The following DIAPH2 variants were observed in gnomAD, a reference collection of about 807,000 sequenced individuals.
The protein encoded by DIAPH2 is protein diaphanous homolog 2.
DIAPH2 carries 35 observed loss-of-function variants against 92.7 expected under a neutral mutation model. That is an observed-to-expected ratio of 0.38 (90% confidence interval 0.29 to 0.50). The LOEUF (loss-of-function observed/expected upper bound fraction) is 0.50. Ranked by LOEUF, DIAPH2 falls within the 20% of genes least tolerant of loss-of-function variation. The pLI is 0.94. For missense variants in DIAPH2, 701 were observed against 819.5 expected (o/e 0.86, Z 1.77); for synonymous variants, 301 against 280.4 (o/e 1.07, Z -0.73).
At chrX:97,089,062 G>A (rs1430481868) in intron 19 of DIAPH2, among the ~76,000 whole-genome samples, 3 of 111,562 alleles carry the variant, frequency 2.7e-5, no homozygotes, top group Non-Finnish European at 5.6e-5. Context: ...AAATGAAAGC[G>A]TGACTACTTC....
chrX:97,336,237 T>C (rs907289069), intron 23 of DIAPH2, among the ~76,000 whole-genome samples: 1 of 106,663 alleles, frequency 9.4e-6, no homozygotes, highest in Non-Finnish European at 1.9e-5. Flanking sequence ...ACTTTTCTTT[T>C]CTTTTCTTTT....
intron 10 of DIAPH2, among the ~76,000 whole-genome samples, chrX:96,933,907 C>T (rs1005183381): frequency 4.6e-5 from 5 of 108,312 alleles, no homozygotes; most frequent in African/African-American, 1.4e-4. Context: ...TGAGCCACTG[C>T]GCCTGGCCTA....
intron 15 of DIAPH2, chrX:96,954,286 T>C (rs1335961192): frequency 8.9e-6 from 1 of 112,454 alleles, no homozygotes; most frequent in East Asian, 2.8e-4. Flanking sequence ...TGGTAGTGGT[T>C]TCATAAGAAT....
chrX:96,934,069 G>T (rs2065640872), intron 10 of DIAPH2, among the ~76,000 whole-genome samples: 1 of 111,055 alleles, frequency 9.0e-6, no homozygotes, highest in South Asian at 3.8e-4. Context: ...ACCTTGAGAA[G>T]ATTAGCGATC....
chrX:96,855,984 A>G (rs1043642099), intron 4 of DIAPH2, among the ~76,000 whole-genome samples: 2 of 112,118 alleles, frequency 1.8e-5, no homozygotes, highest in African/African-American at 6.5e-5. Flanking sequence ...CATTGATTCA[A>G]ACTGTCTGTA....
At chrX:97,001,609 G>T (rs997068356) in intron 17 of DIAPH2, among the ~76,000 whole-genome samples, 2 of 111,411 alleles carry the variant, frequency 1.8e-5, no homozygotes, top group African/African-American at 6.5e-5. Flanking sequence ...TCACGCCACT[G>T]CACTCCAGCC....
intron 5 of DIAPH2, among the ~76,000 whole-genome samples, chrX:96,882,568 G>A (rs768042046): frequency 3.2e-4 from 35 of 110,888 alleles, no homozygotes; most frequent in Non-Finnish European, 4.7e-4. Flanking sequence ...GCCAATGGTG[G>A]ATTCCAGTAA....
intron 23 of DIAPH2, among the ~76,000 whole-genome samples, chrX:97,271,648 A>G (rs1345289037): frequency 4.5e-5 from 5 of 110,737 alleles, no homozygotes; most frequent in African/African-American, 1.6e-4. Context: ...TATTATTATT[A>G]TAGTGGAAAA....
At chrX:96,819,326 C>T (rs1365149096) in intron 4 of DIAPH2, among the ~76,000 whole-genome samples, 1 of 112,376 alleles carries the variant, frequency 8.9e-6, no homozygotes, top group Non-Finnish European at 1.9e-5. Flanking sequence ...AAATCTTTGT[C>T]CTAACATTCT....
chrX:96,966,354 G>T (rs765843761), intron 17 of DIAPH2, among the ~76,000 whole-genome samples: 42 of 111,842 alleles, frequency 3.8e-4, no homozygotes, highest in Non-Finnish European at 6.8e-4. Flanking sequence ...TTAAAAAATT[G>T]CTTGTAGCAA....
At chrX:97,458,119 C>T (rs1179464235) in intron 26 of DIAPH2, among the ~76,000 whole-genome samples, 1 of 111,030 alleles carries the variant, frequency 9.0e-6, no homozygotes, top group African/African-American at 3.3e-5. Context: ...TTCTGCCAAT[C>T]ACACAAACCA....
intron 23 of DIAPH2, among the ~76,000 whole-genome samples, chrX:97,311,015 T>G (rs12855436): frequency 6.4e-5 from 7 of 108,829 alleles, no homozygotes; most frequent in African/African-American, 2.3e-4. Flanking sequence ...TCTCAAAAAA[T>G]AAAAAAAAGA....
At chrX:96,811,390 T>C (rs1426736125) in intron 4 of DIAPH2, among the ~76,000 whole-genome samples, 1 of 112,294 alleles carries the variant, frequency 8.9e-6, no homozygotes, top group African/African-American at 3.2e-5. Context: ...TTTGCTGAAG[T>C]TGCTTATCAG....
At chrX:97,484,550 A>G (rs1246234334) in intron 26 of DIAPH2, among the ~76,000 whole-genome samples, 1 of 111,999 alleles carries the variant, frequency 8.9e-6, no homozygotes, top group African/African-American at 3.2e-5. Context: ...AATAGTTTCT[A>G]TTTCCATTTT....
chrX:97,288,909 T>G (rs751523072), intron 23 of DIAPH2, among the ~76,000 whole-genome samples: 5 of 111,521 alleles, frequency 4.5e-5, no homozygotes, highest in Non-Finnish European at 9.4e-5. Context: ...AATTTTATTG[T>G]GAGCAACATT....
chrX:97,383,386 G>A (rs1031746135), intron 24 of DIAPH2, among the ~76,000 whole-genome samples: 12 of 109,630 alleles, frequency 1.1e-4, no homozygotes, highest in South Asian at 7.8e-4. Flanking sequence ...CTTTATGTTT[G>A]TATCATTTTT....
At chrX:97,038,668 G>T (rs901410705) in intron 17 of DIAPH2, among the ~76,000 whole-genome samples, 1 of 109,603 alleles carries the variant, frequency 9.1e-6, no homozygotes, top group Admixed American at 9.8e-5. Flanking sequence ...GGATAAGGTG[G>T]TTATCTCATT....
At chrX:96,709,204 T>G (rs995383398) in intron 1 of DIAPH2, among the ~76,000 whole-genome samples, 1 of 112,445 alleles carries the variant, frequency 8.9e-6, no homozygotes, top group African/African-American at 3.2e-5. Context: ...TTTCTGTTTG[T>G]TAATTTGCTT....
intron 20 of DIAPH2, among the ~76,000 whole-genome samples, chrX:97,100,931 T>C (rs755552008): frequency 8.9e-6 from 1 of 112,075 alleles, no homozygotes; most frequent in African/African-American, 3.2e-5. Flanking sequence ...AGAAGGATTC[T>C]GTCAAATTCT....
Sources: gnomAD v4.1 joint callset for allele counts (sites outside exome capture counted in the v4.1 genomes callset) on GRCh38, gnomAD v4.1.1 for gene constraint, MANE v1.5 for transcripts, NCBI Gene and HGNC (gene_info 2026-07-23, HGNC 2026-07-21) for gene names.